The following ZNF609 variants were observed in gnomAD, a reference collection of about 807,000 sequenced individuals.
The protein encoded by ZNF609 is zinc finger protein 609.
In ZNF609, 11 loss-of-function variants were observed where a neutral mutation model predicts 109.5. The observed-to-expected ratio is 0.10, with a 90% CI of 0.06 to 0.17. ZNF609 has a LOEUF of 0.17. Among genes scored for constraint, ZNF609 ranks in the 10% least tolerant of loss-of-function variants. The pLI is 1.00. For synonymous variants in ZNF609, 646 were observed against 662.0 expected, an observed-to-expected ratio of 0.98 and a Z score of 0.37; for missense variants, 1,559 against 1,772.4, an observed-to-expected ratio of 0.88 and a Z score of 2.16.
chr15:64,525,893 ATTCTCC>A, intron 2 of ZNF609, among the ~76,000 whole-genome samples: 1 of 151,654 alleles, frequency 6.6e-6, no homozygotes, highest in African/African-American at 2.4e-5. Flanking sequence ...GTTTCAAGCG[ATTCTCC>A]TGTTTCAGCC....
At chr15:64,661,219 C>G (rs1896570630) in intron 3 of ZNF609, among the ~76,000 whole-genome samples, 1 of 152,170 alleles carries the variant, frequency 6.6e-6, no homozygotes, top group African/African-American at 2.4e-5. Flanking sequence ...GCCTTGGCCT[C>G]CCAAAGTGCT....
chr15:64,490,598 T>C (rs1392972822), intron 1 of ZNF609, among the ~76,000 whole-genome samples: 3 of 152,076 alleles, frequency 2.0e-5, no homozygotes, highest in African/African-American at 4.8e-5. Flanking sequence ...TTTTTTTAAT[T>C]GTTTACCTCA....
At chr15:64,537,999 G>C (rs750971160) in intron 2 of ZNF609, among the ~76,000 whole-genome samples, 2 of 151,960 alleles carry the variant, frequency 1.3e-5, no homozygotes, top group Non-Finnish European at 2.9e-5. Flanking sequence ...CCAGCTACTC[G>C]GGAGGCTGAG....
At chr15:64,584,445 T>TA (rs1234722706) in intron 2 of ZNF609, among the ~76,000 whole-genome samples, 1 of 151,962 alleles carries the variant, frequency 6.6e-6, no homozygotes, top group Non-Finnish European at 1.5e-5. Flanking sequence ...GAATTACAGT[T>TA]ATGCGCCACC....
rs528552554 is a variant in ZNF609, at chr15:64,483,962, GT to G, written c.-127-15322del. 6.1e-3 allele frequency among the ~76,000 whole-genome samples: 914 copies of G among 150,072 alleles called. 5 individuals carry two copies. Among genetic ancestry groups the G allele is most frequent in the Non-Finnish European group, 7.1e-3 (477 of 67,464 alleles). ...TTTCTGCCTGCTTACTTGGTTTTGT[GT>G]TTTTTTTTCCCCCATTGCACTGTGC... On this transcript the variant is annotated intron_variant, in intron 1 of 9. Coordinates refer to ENST00000326648, the MANE Select transcript of ZNF609 (RefSeq NM_015042.2).
At chr15:64,539,960 T>C (rs939700268) in intron 2 of ZNF609, among the ~76,000 whole-genome samples, 12 of 151,626 alleles carry the variant, frequency 7.9e-5, no homozygotes, top group African/African-American at 2.9e-4. Context: ...TTTGTAGAGA[T>C]AGGGTCCCAC....
intron 2 of ZNF609, among the ~76,000 whole-genome samples, chr15:64,519,958 T>C (rs189022694): frequency 2.4e-4 from 36 of 152,336 alleles, no homozygotes; most frequent in African/African-American, 8.2e-4. Context: ...GGTTATAGTA[T>C]AATAGTTACA....
intron 3 of ZNF609, among the ~76,000 whole-genome samples, chr15:64,646,837 G>A (rs1433809826): frequency 6.6e-6 from 1 of 150,894 alleles, no homozygotes; most frequent in Non-Finnish European, 1.5e-5. Context: ...CTACTCGGGA[G>A]GCTGAGGCAG....
At chr15:64,577,049 A>AATATATGAATGT (rs1894981609) in intron 2 of ZNF609, among the ~76,000 whole-genome samples, 1 of 105,112 alleles carries the variant, frequency 9.5e-6, no homozygotes, top group African/African-American at 3.3e-5. Context: ...TATACACATA[A>AATATATGAATGT]ATATATACAT....
intron 2 of ZNF609, among the ~76,000 whole-genome samples, chr15:64,565,652 T>C (rs1894763534): frequency 6.6e-6 from 1 of 152,192 alleles, no homozygotes; most frequent in African/African-American, 2.4e-5. Context: ...ATGGTGATTC[T>C]GATCATCTCT....
chr15:64,643,447 C>T lies in ZNF609; in HGVS notation c.973+20395C>T, dbSNP rs80274109. On this transcript the variant is annotated intron_variant, in intron 3 of 9. Coordinates refer to ENST00000326648, the MANE Select transcript of ZNF609 (RefSeq NM_015042.2). ...TCCTCCTTGCCCTTACTCCGAACAT[C>T]AGTAAACAAATATGTCTGTCATTCT... Among the ~76,000 whole-genome samples the T allele has an allele frequency of 9.0e-4, 137 of 152,284 alleles. 2 individuals carry two copies. In the East Asian group the frequency reaches 0.022, roughly 25 times the overall value.
chr15:64,478,050 T>G (rs1206606902), intron 1 of ZNF609, among the ~76,000 whole-genome samples: 5 of 152,156 alleles, frequency 3.3e-5, no homozygotes, highest in Admixed American at 3.3e-4. Flanking sequence ...ATTTACTCTG[T>G]TTTTGGTTAT....
chr15:64,480,629 CTA>C (rs1484492111), intron 1 of ZNF609, among the ~76,000 whole-genome samples: 1 of 151,954 alleles, frequency 6.6e-6, no homozygotes, highest in African/African-American at 2.4e-5. Context: ...CTGCTCTGGG[CTA>C]TATACCTCAT....
chr15:64,631,396 G>C, intron 3 of ZNF609: 2 of 728,782 alleles, frequency 2.7e-6, no homozygotes, highest in Middle Eastern at 2.4e-4. Flanking sequence ...GGGGGACACT[G>C]TAGACTCTTC....
At chr15:64,504,897 T>C (rs997469909) in intron 2 of ZNF609, among the ~76,000 whole-genome samples, 1 of 152,032 alleles carries the variant, frequency 6.6e-6, no homozygotes, top group Non-Finnish European at 1.5e-5. Flanking sequence ...GTCTCACTTA[T>C]GCACTTCTGC....
At chr15:64,492,907 A>C (rs1893434251) in intron 1 of ZNF609, among the ~76,000 whole-genome samples, 1 of 152,170 alleles carries the variant, frequency 6.6e-6, no homozygotes, top group African/African-American at 2.4e-5. Context: ...TTTGGCATGC[A>C]GGTTTTGGAG....
chr15:64,601,814 A>G (rs1895502396), intron 2 of ZNF609, among the ~76,000 whole-genome samples: 1 of 152,194 alleles, frequency 6.6e-6, no homozygotes, highest in African/African-American at 2.4e-5. Flanking sequence ...GATATAAACA[A>G]ATCACTTGTG....
In ZNF609 at chr15:64,572,000, C is replaced by T. The variant is rs549576017; in HGVS notation, c.748-50827C>T. Among the ~76,000 whole-genome samples the T allele has an allele frequency of 2.0e-5, 3 of 152,214 alleles. No homozygotes were observed. In the South Asian group the frequency reaches 6.2e-4, roughly 32 times the overall value. ...CCTAGGGATATAGATAGCTATTCTA[C>T]TTAGTGTTGCTGGAAAGTTGCCCTT... On this transcript the variant is annotated intron_variant, in intron 2 of 9. Transcript: ENST00000326648.
intron 2 of ZNF609, among the ~76,000 whole-genome samples, chr15:64,553,736 C>CT (rs1894529448): frequency 6.6e-6 from 1 of 151,774 alleles, no homozygotes; most frequent in African/African-American, 2.4e-5. Context: ...GTAGCTGGGA[C>CT]TACAGGCACC....
Sources: gnomAD v4.1 joint callset for allele counts (sites outside exome capture counted in the v4.1 genomes callset) on GRCh38, gnomAD v4.1.1 for gene constraint, MANE v1.5 for transcripts, NCBI Gene and HGNC (gene_info 2026-07-23, HGNC 2026-07-21) for gene names.